NCAM2: variants seen among roughly 807,000 people sequenced by gnomAD.
NCAM2 encodes neural cell adhesion molecule 2.
In NCAM2, 30 loss-of-function variants were observed where a neutral mutation model predicts 98.1. That is an observed-to-expected ratio of 0.31 (90% CI 0.23 to 0.41). The LOEUF (loss-of-function observed/expected upper bound fraction) is 0.41. Among genes scored for constraint, NCAM2 ranks in the 10% least tolerant of loss-of-function variants. The pLI is 1.00. For missense variants in NCAM2, 867 were observed against 1,005.8 expected (o/e 0.86, Z 1.87); for synonymous variants, 368 against 342.4 (o/e 1.07, Z -0.83).
At chr21:21,047,732 C>T (rs1437504904) in intron 1 of NCAM2, among the ~76,000 whole-genome samples, 1 of 151,948 alleles carries the variant, frequency 6.6e-6, no homozygotes, top group Non-Finnish European at 1.5e-5. Flanking sequence ...TTGCTAATGG[C>T]CATTTTACTG....
chr21:21,446,426 T>A (rs577244772), intron 12 of NCAM2, among the ~76,000 whole-genome samples: 11 of 152,186 alleles, frequency 7.2e-5, no homozygotes, highest in Non-Finnish European at 8.8e-5. Flanking sequence ...AAGTATGTTT[T>A]CCTGCTTGTT....
chr21:21,509,280 TG>T (rs2146355963), intron 16 of NCAM2, among the ~76,000 whole-genome samples: 1 of 152,236 alleles, frequency 6.6e-6, no homozygotes, highest in South Asian at 2.1e-4. Flanking sequence ...AACCTCACAA[TG>T]GGATCTTCAC....
intron 15 of NCAM2, among the ~76,000 whole-genome samples, chr21:21,494,905 C>CA (rs1987110531): frequency 9.5e-5 from 1 of 10,532 alleles, no homozygotes; most frequent in South Asian, 0.083. Flanking sequence ...TGTTTTTAGC[C>CA]AATTTTTTTC....
chr21:21,413,760 G>A (rs1395530415), intron 10 of NCAM2, among the ~76,000 whole-genome samples: 5 of 152,112 alleles, frequency 3.3e-5, no homozygotes, highest in East Asian at 1.9e-4. Context: ...GCGTTTTGTC[G>A]CAAGGTTGAT....
chr21:21,178,429 T>C lies in NCAM2; in HGVS notation c.56-102149T>C, dbSNP rs75620017. 3.9e-5 allele frequency among the ~76,000 whole-genome samples: 6 copies of C among 152,216 alleles called. No homozygotes were observed. The South Asian group carries it at 1.2e-3, about 32-fold the overall frequency. Reference sequence around the variant, plus strand: ...GTTAATTTCTGATTGCTTCATATTTTCCTCTACAATTTTTAATTTTTATAT... The same window carrying C: ...GTTAATTTCTGATTGCTTCATATTTCCCTCTACAATTTTTAATTTTTATAT... On this transcript the variant is annotated intron_variant, in intron 1 of 17. Transcript: ENST00000400546.
At chr21:21,114,425 G>C (rs954619005) in intron 1 of NCAM2, among the ~76,000 whole-genome samples, 1 of 152,162 alleles carries the variant, frequency 6.6e-6, no homozygotes, top group Admixed American at 6.5e-5. Context: ...TTGCATGAAT[G>C]TGTTTCTAAA....
chr21:21,154,935 TG>T (rs979078477), intron 1 of NCAM2, among the ~76,000 whole-genome samples: 4 of 151,804 alleles, frequency 2.6e-5, no homozygotes, highest in African/African-American at 9.7e-5. Flanking sequence ...AGTGGGCTTT[TG>T]CTATGGTAAT....
At chr21:21,352,948 G>T (rs1294747551) in intron 8 of NCAM2, among the ~76,000 whole-genome samples, 1 of 151,936 alleles carries the variant, frequency 6.6e-6, no homozygotes, top group South Asian at 2.1e-4. Context: ...CCGCTTTTCG[G>T]GTTCAAGCAA....
chr21:21,146,018 A>T (rs531869303), intron 1 of NCAM2, among the ~76,000 whole-genome samples: 5 of 152,214 alleles, frequency 3.3e-5, no homozygotes, highest in Admixed American at 6.5e-5. Flanking sequence ...TTCTGCCTGG[A>T]AACTTTTGCA....
intron 15 of NCAM2, among the ~76,000 whole-genome samples, chr21:21,492,854 AT>A (rs200306846): frequency 7.0e-4 from 106 of 151,998 alleles, no homozygotes; most frequent in East Asian, 1.9e-3. Flanking sequence ...ATGTGGTTAA[AT>A]AAAAAATAAA....
intron 1 of NCAM2, among the ~76,000 whole-genome samples, chr21:21,218,205 C>T (rs990357980): frequency 2.0e-5 from 3 of 152,160 alleles, no homozygotes; most frequent in South Asian, 2.1e-4. Context: ...GACTTGTGAG[C>T]GTGGCCTATT....
intron 1 of NCAM2, among the ~76,000 whole-genome samples, chr21:21,238,588 T>A (rs2147224301): frequency 6.8e-6 from 1 of 147,046 alleles, no homozygotes; most frequent in Non-Finnish European, 1.5e-5. Context: ...AAAAATATAT[T>A]TTTATTTTTA....
chr21:21,361,247 CAT>C (rs1396114405), intron 8 of NCAM2, among the ~76,000 whole-genome samples: 6 of 152,014 alleles, frequency 3.9e-5, no homozygotes, highest in South Asian at 2.1e-4. Context: ...CACACAAACA[CAT>C]ACACATCCTT....
At chr21:21,227,011 C>G (rs2070409928) in intron 1 of NCAM2, among the ~76,000 whole-genome samples, 1 of 151,900 alleles carries the variant, frequency 6.6e-6, no homozygotes, top group Admixed American at 6.6e-5. Context: ...TAATCTTACT[C>G]TGATAAAGTC....
chr21:21,230,716 C>T (rs1424975464), intron 1 of NCAM2, among the ~76,000 whole-genome samples: 2 of 151,310 alleles, frequency 1.3e-5, no homozygotes, highest in African/African-American at 4.8e-5. Flanking sequence ...CCAAAATGTT[C>T]TCAGGTGATG....
chr21:21,029,571 T>G (rs1291676715), intron 1 of NCAM2, among the ~76,000 whole-genome samples: 1 of 152,198 alleles, frequency 6.6e-6, no homozygotes, highest in Non-Finnish European at 1.5e-5. Context: ...AGAAAACAAA[T>G]AGTTATCTTC....
intron 5 of NCAM2, among the ~76,000 whole-genome samples, chr21:21,324,060 A>C (rs905670348): frequency 2.6e-5 from 4 of 152,174 alleles, no homozygotes; most frequent in African/African-American, 9.6e-5. Flanking sequence ...TGTTTAACAG[A>C]TTTAGTAGTG....
chr21:21,388,158 C>T (rs997284824), intron 9 of NCAM2, among the ~76,000 whole-genome samples: 11 of 152,048 alleles, frequency 7.2e-5, no homozygotes, highest in East Asian at 3.9e-4. Context: ...AAAACAAGCC[C>T]GACAACAAAG....
intron 1 of NCAM2, among the ~76,000 whole-genome samples, chr21:21,020,856 G>T (rs1176168000): frequency 1.3e-5 from 2 of 152,160 alleles, no homozygotes; most frequent in Non-Finnish European, 2.9e-5. Flanking sequence ...ACTCACTGTG[G>T]CCTAGTAGAC....
Sources: allele counts gnomAD v4.1 joint callset (sites outside exome capture counted in the v4.1 genomes callset), GRCh38; gene constraint gnomAD v4.1.1; transcripts MANE v1.5; gene names NCBI Gene and HGNC (gene_info 2026-07-23, HGNC 2026-07-21).